The following ATXN7L1 variants were observed in gnomAD, a reference collection of about 807,000 sequenced individuals.
ATXN7L1 encodes the protein ataxin 7 like 1.
ATXN7L1 carries 15 observed loss-of-function variants against 70.8 expected under a neutral mutation model. The observed-to-expected ratio is 0.21, with a 90% CI of 0.14 to 0.33. The LOEUF is 0.33. Among genes scored for constraint, ATXN7L1 ranks in the 10% least tolerant of loss-of-function variants. The pLI, the probability that ATXN7L1 is intolerant of heterozygous loss-of-function variation, is 1.00. For missense variants in ATXN7L1, 975 were observed against 1,097.1 expected, an observed-to-expected ratio of 0.89 and a Z score of 1.57; for synonymous variants, 440 against 445.1, an observed-to-expected ratio of 0.99 and a Z score of 0.14.
chr7:105,650,727 T>C (rs1799711978), intron 4 of ATXN7L1, among the ~76,000 whole-genome samples: 1 of 152,180 alleles, frequency 6.6e-6, no homozygotes, highest in South Asian at 2.1e-4. Context: ...TGCTCCTCAA[T>C]TGGGTTAAGA....
At chr7:105,625,743 G>T (rs754731119) in intron 7 of ATXN7L1, among the ~76,000 whole-genome samples, 15 of 152,190 alleles carry the variant, frequency 9.9e-5, no homozygotes, top group Non-Finnish European at 1.5e-4. Context: ...AGAACTACCT[G>T]CTTCCTAGGC....
intron 7 of ATXN7L1, among the ~76,000 whole-genome samples, chr7:105,635,382 A>G (rs73717210): frequency 0.021 from 3,195 of 152,328 alleles, 118 homozygotes; most frequent in African/African-American, 0.072. Context: ...GGGCAGGCAT[A>G]TGGAAACCAG....
At chr7:105,854,082 C>A (rs1017230875) in intron 2 of ATXN7L1, among the ~76,000 whole-genome samples, 10 of 152,198 alleles carry the variant, frequency 6.6e-5, no homozygotes, top group Non-Finnish European at 1.5e-4. Flanking sequence ...CCCATCTCTG[C>A]AGGCAGGCAG....
At chr7:105,767,774 G>C (rs1472367138) in intron 3 of ATXN7L1, among the ~76,000 whole-genome samples, 1 of 152,208 alleles carries the variant, frequency 6.6e-6, no homozygotes, top group Non-Finnish European at 1.5e-5. Flanking sequence ...GGCTCTTTCA[G>C]AACCCCTCTG....
At position 105,624,073 on chromosome 7, in the gene ATXN7L1, A is replaced by G; in HGVS notation, c.1395+2T>C. On this transcript the variant is annotated splice_donor_variant, in intron 8 of 11. Transcript: ENST00000419735. LOFTEE classifies it high-confidence loss of function. The stretch of plus-strand genomic sequence containing the variant: ...CATGGCAAGGAACGGAAGGAGGCCT[A>G]CCGCCAGAGGTCTGGGGTGGTGCGT... 7.1e-7 allele frequency: 1 copy of G among 1,410,040 alleles called. No individual in the cohort carries two copies. The highest frequency in any genetic ancestry group is 9.4e-7 in the Non-Finnish European group (1 of 1,067,776). The allele number at this position is 1,410,040 out of a possible 1,614,324, so 87.3% of individuals were successfully genotyped here.
At chr7:105,807,670 A>C (rs1401023588) in intron 2 of ATXN7L1, among the ~76,000 whole-genome samples, 1 of 152,200 alleles carries the variant, frequency 6.6e-6, no homozygotes, top group African/African-American at 2.4e-5. Flanking sequence ...TTCTCCTTGG[A>C]ACCCTCATGT....
At chr7:105,613,826 C>T (rs1480557202) in intron 10 of ATXN7L1, 36 bp downstream of exon 10, 1 of 1,551,748 alleles carries the variant, frequency 6.4e-7, no homozygotes, top group Non-Finnish European at 8.7e-7. Flanking sequence ...CCCTGCCCCC[C>T]AGAGCCGGTG....
At chr7:105,622,428 C>G (rs759017271) in intron 8 of ATXN7L1, among the ~76,000 whole-genome samples, 3 of 152,194 alleles carry the variant, frequency 2.0e-5, no homozygotes, top group African/African-American at 4.8e-5. Context: ...CTGAGAGGCT[C>G]CAGTTCCCGG....
At chr7:105,738,984 C>T (rs574512266) in intron 3 of ATXN7L1, among the ~76,000 whole-genome samples, 2 of 152,286 alleles carry the variant, frequency 1.3e-5, no homozygotes, top group Admixed American at 6.5e-5. Context: ...AACCAAGGTC[C>T]ATCCCTTCTG....
At chr7:105,851,680 C>T (rs1814904506) in intron 2 of ATXN7L1, among the ~76,000 whole-genome samples, 1 of 152,122 alleles carries the variant, frequency 6.6e-6, no homozygotes. Context: ...AGGTGTGTCT[C>T]CCCCACAAGC....
chr7:105,716,533 T>C (rs902096140), intron 3 of ATXN7L1, among the ~76,000 whole-genome samples: 4 of 152,072 alleles, frequency 2.6e-5, no homozygotes, highest in African/African-American at 9.7e-5. Context: ...CTCTGTTTTT[T>C]AAAATTACAA....
rs370865413 is a variant in ATXN7L1, at chr7:105,610,661, C to T, written c.2473-58G>A. ...CACGAGCCAGCCTGGGAAGGGCCCG[C>T]CGATGCCACATGTTCTAGGGGAAAG... On this transcript the variant is annotated intron_variant, in intron 10 of 11. Coordinates refer to ENST00000419735, the MANE Select transcript of ATXN7L1 (RefSeq NM_020725.2). 1,164 of 1,416,696 alleles carry T rather than the reference C, an allele frequency of 8.2e-4. 1 individual carries two copies. Among genetic ancestry groups the T allele is most frequent in the Non-Finnish European group, 1.0e-3 (1,067 of 1,026,854 alleles). The allele number at this position is 1,416,696 out of a possible 1,614,324, so 87.8% of individuals were successfully genotyped here.
intron 2 of ATXN7L1, among the ~76,000 whole-genome samples, chr7:105,840,075 C>G (rs976511418): frequency 2.0e-5 from 3 of 152,158 alleles, no homozygotes; most frequent in African/African-American, 7.2e-5. Flanking sequence ...GGTGAGTGGT[C>G]TGTGGAGAGC....
At chr7:105,727,622 T>A (rs558506691) in intron 3 of ATXN7L1, among the ~76,000 whole-genome samples, 1 of 141,312 alleles carries the variant, frequency 7.1e-6, no homozygotes, top group Non-Finnish European at 1.5e-5. Flanking sequence ...TGAGCCTAGA[T>A]AGTGCCATTG....
chr7:105,733,948 C>CATCCAT (rs1440817956), intron 3 of ATXN7L1, among the ~76,000 whole-genome samples: 14 of 149,350 alleles, frequency 9.4e-5, no homozygotes, highest in Non-Finnish European at 1.2e-4. Context: ...ATCCATCCAT[C>CATCCAT]CATCCATCCA....
intron 2 of ATXN7L1, among the ~76,000 whole-genome samples, chr7:105,845,823 G>A (rs1813948520): frequency 6.6e-6 from 1 of 152,140 alleles, no homozygotes; most frequent in South Asian, 2.1e-4. Context: ...TTCAAAAAAT[G>A]ATGCTGAGAC....
chr7:105,800,799 G>T (rs1217482165), intron 2 of ATXN7L1, among the ~76,000 whole-genome samples: 1 of 152,198 alleles, frequency 6.6e-6, no homozygotes, highest in Non-Finnish European at 1.5e-5. Flanking sequence ...CCCCTGTAAG[G>T]TTGCTGCTAG....
rs1354822448 is a variant in ATXN7L1 at position 105,641,264 on chromosome 7, A to C, written c.862+1574T>G. 2.9e-5 allele frequency among the ~76,000 whole-genome samples: 3 copies of C among 101,912 alleles called. 1 individual carries two copies. The South Asian group carries it at 9.7e-4, about 33-fold the overall frequency. The allele number at this position is 101,912 out of a possible 152,430, so 66.9% of individuals were successfully genotyped here. A position where few individuals can be genotyped will look rare whatever the true frequency, so the allele number is the denominator to read the frequency against. On this transcript the variant is annotated intron_variant, in intron 5 of 11. Transcript: ENST00000419735. ...TTTTTTAGCTTCACTTAGAAAAAAA[A>C]CCTGCTAGGCCTGGAGATGCTGGTT... is the stretch of plus-strand genomic sequence containing the variant.
chr7:105,738,679 C>T (rs757081859), intron 3 of ATXN7L1, among the ~76,000 whole-genome samples: 32 of 152,186 alleles, frequency 2.1e-4, no homozygotes, highest in Non-Finnish European at 3.8e-4. Context: ...CCATGTAATC[C>T]GGCTCCCTGC....
Sources: allele counts gnomAD v4.1 joint callset (sites outside exome capture counted in the v4.1 genomes callset), GRCh38; gene constraint gnomAD v4.1.1; transcripts MANE v1.5; gene names NCBI Gene and HGNC (gene_info 2026-07-23, HGNC 2026-07-21).